Variants in HUNK observed in about 807,000 individuals in gnomAD.
The protein encoded by HUNK is hormonally up-regulated neu tumor-associated kinase.
HUNK carries 21 observed loss-of-function variants against 61.0 expected under a neutral mutation model. The ratio of observed to expected loss-of-function variants is 0.34; its 90% CI spans 0.24 to 0.50. The LOEUF (loss-of-function observed/expected upper bound fraction) is 0.50. HUNK is among the 20% of genes least tolerant of loss of function. The probability of loss-of-function intolerance (pLI) is 0.98; values close to 1 mark genes in which losing one functional copy is unlikely to be tolerated. For missense variants in HUNK, 772 were observed against 945.7 expected (o/e 0.82, Z 2.41); for synonymous variants, 371 against 386.1 (o/e 0.96, Z 0.46).
chr21:31,959,752 G>A (rs985853364), intron 5 of HUNK, among the ~76,000 whole-genome samples: 9 of 152,198 alleles, frequency 5.9e-5, no homozygotes, highest in African/African-American at 2.2e-4. Flanking sequence ...CTTAGCGATA[G>A]TTAAAATATA....
chr21:31,883,366 C>T (rs1170930442), intron 1 of HUNK, among the ~76,000 whole-genome samples: 1 of 152,018 alleles, frequency 6.6e-6, no homozygotes. Context: ...TTTATTGTTT[C>T]TCTTATTTAC....
Position 31,900,804 on chromosome 21 carries a change from T to G in HUNK, c.262-23664T>G, listed in dbSNP as rs191907189. On this transcript the variant is annotated intron_variant, in intron 1 of 10. Transcript: ENST00000270112. The stretch of plus-strand genomic sequence containing the variant: ...TTTCCCAGGGTAGTTTCAGTATGGA[T>G]CAGATGCCTGTAGCCCTTGAGTACT... 8.7e-4 allele frequency among the ~76,000 whole-genome samples: 133 copies of G among 152,340 alleles called. 1 individual carries two copies. Among genetic ancestry groups the G allele is most frequent in the Non-Finnish European group, 7.8e-4 (53 of 68,024 alleles).
intron 1 of HUNK, among the ~76,000 whole-genome samples, chr21:31,904,457 G>A (rs1295004795): frequency 1.3e-5 from 2 of 152,136 alleles, no homozygotes; most frequent in South Asian, 4.1e-4. Flanking sequence ...CTCCAAAGAT[G>A]CCAGCGATAG....
At chr21:31,941,174 G>T (rs1204628077) in intron 3 of HUNK, among the ~76,000 whole-genome samples, 3 of 152,198 alleles carry the variant, frequency 2.0e-5, no homozygotes, top group Admixed American at 6.5e-5. Context: ...CCACTGATAG[G>T]TGTTGATGGA....
chr21:31,881,720 C>T (rs1008011124), intron 1 of HUNK, among the ~76,000 whole-genome samples: 16 of 152,126 alleles, frequency 1.1e-4, no homozygotes, highest in African/African-American at 3.9e-4. Flanking sequence ...GCATTTAGTC[C>T]TTCTATCTAT....
intron 2 of HUNK, among the ~76,000 whole-genome samples, chr21:31,927,502 G>A (rs932304381): frequency 7.2e-5 from 11 of 152,102 alleles, no homozygotes; most frequent in Non-Finnish European, 5.9e-5. Context: ...AAATTAGCTG[G>A]GCATGGTGGC....
At position 32,001,736 on chromosome 21, in the gene HUNK, T is replaced by C. The variant is rs1196539149; in HGVS notation, c.*2552T>C. On this transcript the variant is annotated 3_prime_UTR_variant, in exon 11 of 11. Coordinates refer to ENST00000270112, the MANE Select transcript of HUNK (RefSeq NM_014586.2). Reference sequence around the variant, plus strand: ...AATGTTAGATTCTTTATTATTTTATTATATTTATATGGAAAGCTCGACTCT... The same window carrying C: ...AATGTTAGATTCTTTATTATTTTATCATATTTATATGGAAAGCTCGACTCT... The C allele has an allele frequency of 6.6e-6, 1 of 152,590 alleles. No individual in the cohort carries two copies. Among genetic ancestry groups the C allele is most frequent in the African/African-American group, 2.4e-5 (1 of 41,438 alleles). 9.5% of individuals were successfully genotyped at this position (152,590 alleles called of 1,614,324 possible).
At chr21:31,903,970 A>G (rs572970637) in intron 1 of HUNK, among the ~76,000 whole-genome samples, 1 of 152,332 alleles carries the variant, frequency 6.6e-6, no homozygotes, top group East Asian at 1.9e-4. Context: ...GTTTAAGAAA[A>G]CTAAACAAAA....
chr21:31,970,536 A>G (rs578014367), intron 6 of HUNK, among the ~76,000 whole-genome samples: 1 of 152,296 alleles, frequency 6.6e-6, no homozygotes, highest in South Asian at 2.1e-4. Context: ...ACCTTGCCTC[A>G]TTATCCATAC....
intron 10 of HUNK, 74 bp from the exon 11 acceptor site, chr21:31,998,452 C>A: frequency 1.5e-6 from 2 of 1,356,090 alleles, no homozygotes; most frequent in Non-Finnish European, 2.0e-6. Flanking sequence ...AGCTGGAGGT[C>A]ACAGCAGGCA....
Position 31,873,964 on chromosome 21 carries a change from G to A in HUNK, c.261+29G>A. On this transcript the variant is annotated intron_variant, in intron 1 of 10. Transcript: ENST00000270112. This position sits in a 1 kb window ranked among gnomAD's most constrained non-coding sequence, Gnocchi z 6.1. Reference sequence around the variant, plus strand: ...AGTCTCCCGGGCGCCGTGGGGCTGGGGCACAGGGGCGGGAGTCGGCGGCCA... The same window carrying A: ...AGTCTCCCGGGCGCCGTGGGGCTGGAGCACAGGGGCGGGAGTCGGCGGCCA... 1 of 1,451,902 alleles carries A rather than the reference G, an allele frequency of 6.9e-7. No homozygotes were observed. Among genetic ancestry groups the A allele is most frequent in the Admixed American group, 2.3e-5 (1 of 44,310 alleles). 89.9% of individuals were successfully genotyped at this position (1,451,902 alleles called of 1,614,324 possible).
chr21:31,936,751 C>G (rs550867427), intron 2 of HUNK, among the ~76,000 whole-genome samples: 4 of 151,558 alleles, frequency 2.6e-5, no homozygotes, highest in South Asian at 2.1e-4. Context: ...TTTGCATTTT[C>G]TCTTATTTTT....
intron 6 of HUNK, among the ~76,000 whole-genome samples, chr21:31,971,078 TTTA>T (rs797000797): frequency 0.15 from 80 of 536 alleles, no homozygotes; most frequent in African/African-American, 0.31. Context: ...TTTTTATTTA[TTTA>T]TTATTTATTT....
intron 2 of HUNK, among the ~76,000 whole-genome samples, chr21:31,935,167 C>A (rs1388218616): frequency 6.6e-6 from 1 of 152,104 alleles, no homozygotes; most frequent in African/African-American, 2.4e-5. Context: ...CTGAGTGAGG[C>A]ACTTGGTTGT....
chr21:31,991,103 T>C lies in HUNK; in HGVS notation c.1305+927T>C, dbSNP rs895127978. Among the ~76,000 whole-genome samples, 5 of 152,238 alleles carry C rather than the reference T, an allele frequency of 3.3e-5. No individual in the cohort carries two copies. In the East Asian group the frequency reaches 9.6e-4, roughly 29 times the overall value. ...TTGCTATGCGGAATTGGCTGTTTTTTATTGTCTTGTTACAACTCTACACCT... is the reference window on the plus strand; with the variant it reads ...TTGCTATGCGGAATTGGCTGTTTTTCATTGTCTTGTTACAACTCTACACCT... On this transcript the variant is annotated intron_variant, in intron 9 of 10. Coordinates refer to ENST00000270112, the MANE Select transcript of HUNK (RefSeq NM_014586.2).
At position 31,874,049 on chromosome 21, in the gene HUNK, TC is replaced by T. The variant is rs1362647988; in HGVS notation, c.261+119del. The T allele has an allele frequency of 8.0e-6, 6 of 750,826 alleles. No homozygotes were observed. In the Admixed American group the frequency reaches 1.7e-4, roughly 22 times the overall value. The allele number at this position is 750,826 out of a possible 1,614,324, so 46.5% of individuals were successfully genotyped here. A position where few individuals can be genotyped will look rare whatever the true frequency, so the allele number is the denominator to read the frequency against. ...GTGTGCAGTCCCGGGCCAAGCGCCTTCCCCCTCCGCCCGGCTTTCCTGTTGG... is the reference window on the plus strand; with the variant it reads ...GTGTGCAGTCCCGGGCCAAGCGCCTTCCCCTCCGCCCGGCTTTCCTGTTGG... On this transcript the variant is annotated intron_variant, in intron 1 of 10. Transcript: ENST00000270112.
chr21:31,962,060 A>G (rs939260667), intron 5 of HUNK, among the ~76,000 whole-genome samples: 2 of 152,228 alleles, frequency 1.3e-5, no homozygotes, highest in African/African-American at 2.4e-5. Flanking sequence ...ACCACTTCCA[A>G]CATTTCTGGT....
chr21:31,886,756 C>T (rs2052349015), intron 1 of HUNK, among the ~76,000 whole-genome samples: 1 of 152,036 alleles, frequency 6.6e-6, no homozygotes, highest in Non-Finnish European at 1.5e-5. Context: ...AGCGATTCTC[C>T]TGCTTCAGCC....
At chr21:31,927,169 T>C (rs2052666741) in intron 2 of HUNK, among the ~76,000 whole-genome samples, 1 of 152,072 alleles carries the variant, frequency 6.6e-6, no homozygotes, top group South Asian at 2.1e-4. Context: ...GCTTCCCAAG[T>C]TGCTGGGATT....
Sources: allele counts gnomAD v4.1 joint callset (sites outside exome capture counted in the v4.1 genomes callset), GRCh38; gene constraint gnomAD v4.1.1; non-coding constraint Gnocchi (gnomAD v3.1); transcripts MANE v1.5; gene names NCBI Gene and HGNC (gene_info 2026-07-23, HGNC 2026-07-21).